The following GALNT17 variants were observed in gnomAD, a reference collection of about 807,000 sequenced individuals.
GALNT17 encodes the protein UDP-GalNAc:polypeptide N-acetylgalactosaminyltransferase-like 3.
A neutral mutation model predicts 63.7 loss-of-function variants in GALNT17; 29 were observed. That is an observed-to-expected ratio of 0.46 (90% CI 0.34 to 0.62). The LOEUF (loss-of-function observed/expected upper bound fraction) is 0.62. Among genes scored for constraint, GALNT17 ranks in the 20% least tolerant of loss-of-function variants. The probability of loss-of-function intolerance (pLI) is 0.01; values close to 1 mark genes in which losing one functional copy is unlikely to be tolerated. For synonymous variants in GALNT17, 305 were observed against 318.3 expected (o/e 0.96, Z 0.45); for missense variants, 603 against 799.6 (o/e 0.75, Z 2.97).
At chr7:71,488,742 G>A (rs529924702) in intron 5 of GALNT17, among the ~76,000 whole-genome samples, 218 of 150,996 alleles carry the variant, frequency 1.4e-3, no homozygotes, top group African/African-American at 4.9e-3. Flanking sequence ...ACCACACCCC[G>A]CTAATTTTTT....
chr7:71,661,600 G>A (rs572024008), intron 6 of GALNT17, among the ~76,000 whole-genome samples: 1 of 152,310 alleles, frequency 6.6e-6, no homozygotes, highest in African/African-American at 2.4e-5. Flanking sequence ...GCTGAGGCAG[G>A]CAGGATAATG....
chr7:71,368,425 C>T (rs1792555098), intron 2 of GALNT17, among the ~76,000 whole-genome samples: 1 of 152,070 alleles, frequency 6.6e-6, no homozygotes, highest in African/African-American at 2.4e-5. Context: ...GAGAGTTTTT[C>T]CCGTCTTCCT....
intron 1 of GALNT17, among the ~76,000 whole-genome samples, chr7:71,219,654 G>A (rs1789547878): frequency 6.6e-6 from 1 of 152,148 alleles, no homozygotes; most frequent in African/African-American, 2.4e-5. Flanking sequence ...TAATGAATAT[G>A]GTATCTTTCC....
chr7:71,438,853 A>G (rs989974685), intron 5 of GALNT17, among the ~76,000 whole-genome samples: 1 of 151,636 alleles, frequency 6.6e-6, no homozygotes, highest in Non-Finnish European at 1.5e-5. Flanking sequence ...TGTCCTACAC[A>G]TGACAGACTC....
intron 6 of GALNT17, among the ~76,000 whole-genome samples, chr7:71,613,436 G>A (rs375187992): frequency 2.4e-4 from 37 of 152,282 alleles, no homozygotes; most frequent in Admixed American, 2.0e-3. Context: ...AATCAAAGGC[G>A]AGAATGTCAA....
chr7:71,580,375 A>G (rs1789615025), intron 6 of GALNT17, among the ~76,000 whole-genome samples: 1 of 149,496 alleles, frequency 6.7e-6, no homozygotes, highest in Non-Finnish European at 1.5e-5. Flanking sequence ...ATATAAATAG[A>G]TGATAGATAA....
Position 71,581,481 on chromosome 7 carries a change from G to A in GALNT17, c.1080+10079G>A, listed in dbSNP as rs551151674. The stretch of plus-strand genomic sequence containing the variant: ...GGCCACGTTTAAAGCATCAGATCTC[G>A]TGAGAACTCACTCACTATCATAAGA... On this transcript the variant is annotated intron_variant, in intron 6 of 10. Transcript: ENST00000333538. 4.6e-5 allele frequency among the ~76,000 whole-genome samples: 7 copies of A among 152,160 alleles called. No homozygotes were observed. In the South Asian group the frequency reaches 8.3e-4, roughly 18 times the overall value.
chr7:71,652,490 T>C (rs927463474), intron 6 of GALNT17, among the ~76,000 whole-genome samples: 5 of 152,122 alleles, frequency 3.3e-5, no homozygotes, highest in East Asian at 1.9e-4. Context: ...TTCTCCCTAT[T>C]TTCAGGAGTA....
intron 2 of GALNT17, 89 bp from the exon 3 acceptor site, chr7:71,388,146 T>C: frequency 2.8e-6 from 4 of 1,415,562 alleles, no homozygotes; most frequent in Middle Eastern, 1.9e-4. Context: ...TGGATGAGGA[T>C]TCGGCTGAAA....
chr7:71,157,011 C>T (rs1468966977), intron 1 of GALNT17, among the ~76,000 whole-genome samples: 1 of 151,518 alleles, frequency 6.6e-6, no homozygotes, highest in African/African-American at 2.4e-5. Flanking sequence ...GGCTGGAGTG[C>T]CCTGGCACAG....
intron 1 of GALNT17, among the ~76,000 whole-genome samples, chr7:71,309,761 A>G (rs989163543): frequency 6.6e-6 from 1 of 152,204 alleles, no homozygotes; most frequent in Non-Finnish European, 1.5e-5. Context: ...TACAAACTGC[A>G]TATGCTGTGA....
At chr7:71,657,892 GGATGGATGGA>G (rs1482652916) in intron 6 of GALNT17, among the ~76,000 whole-genome samples, 4 of 21,874 alleles carry the variant, frequency 1.8e-4, no homozygotes, top group Non-Finnish European at 3.9e-4. Flanking sequence ...ATGGATGGAT[GGATGGATGGA>G]TGGGTGGATG....
intron 1 of GALNT17, among the ~76,000 whole-genome samples, chr7:71,181,596 G>A (rs1022277225): frequency 6.6e-6 from 1 of 152,078 alleles, no homozygotes; most frequent in East Asian, 1.9e-4. Flanking sequence ...GGCTGGGCAC[G>A]GTGGCTCATG....
At chr7:71,188,987 G>A (rs1474780776) in intron 1 of GALNT17, among the ~76,000 whole-genome samples, 4 of 152,092 alleles carry the variant, frequency 2.6e-5, no homozygotes, top group Non-Finnish European at 5.9e-5. Context: ...AAAAAATGAG[G>A]TTTCAAAACA....
intron 1 of GALNT17, among the ~76,000 whole-genome samples, chr7:71,177,339 A>T (rs1788658420): frequency 6.6e-6 from 1 of 151,920 alleles, no homozygotes; most frequent in Non-Finnish European, 1.5e-5. Flanking sequence ...CTCCCCGGGA[A>T]CCCCATCCCA....
In GALNT17 at chr7:71,448,829, A is replaced by G. The variant is rs796806268; in HGVS notation, c.962+27724A>G. Among the ~76,000 whole-genome samples, 35 of 152,288 alleles carry G rather than the reference A, an allele frequency of 2.3e-4. 1 individual carries two copies. The highest frequency in any genetic ancestry group is 8.2e-4 in the African/African-American group (34 of 41,570). ...GTATGGATTTTTGTGTATGAATCAT[A>G]CCTTAATAAATAGTTTAAAAATAAA... On this transcript the variant is annotated intron_variant, in intron 5 of 10. Coordinates refer to ENST00000333538, the MANE Select transcript of GALNT17 (RefSeq NM_022479.3).
intron 5 of GALNT17, among the ~76,000 whole-genome samples, chr7:71,449,235 C>T (rs1021095632): frequency 6.9e-6 from 1 of 145,072 alleles, no homozygotes. Flanking sequence ...GCCTTAGTCT[C>T]CCGAGTAGTG....
At chr7:71,223,487 C>T (rs760383207) in intron 1 of GALNT17, among the ~76,000 whole-genome samples, 1 of 151,846 alleles carries the variant, frequency 6.6e-6, no homozygotes, top group Non-Finnish European at 1.5e-5. Context: ...AGGTTGGCTT[C>T]TGTGCCCTTT....
At position 71,703,705 on chromosome 7, in the gene GALNT17, T is replaced by C. The variant is rs147707982; in HGVS notation, c.1501-7056T>C. Among the ~76,000 whole-genome samples, 770 of 152,270 alleles carry C rather than the reference T, an allele frequency of 5.1e-3. 6 individuals are homozygous for C. Among genetic ancestry groups the C allele is most frequent in the African/African-American group, 0.018 (739 of 41,564 alleles). ...GAGAGAGGAAATTCAAATTAAGAGA[T>C]AAGTAGAGCTGTGGCTAGAGTCATA... On this transcript the variant is annotated intron_variant, in intron 9 of 10. Coordinates refer to ENST00000333538, the MANE Select transcript of GALNT17 (RefSeq NM_022479.3).
Sources: allele counts gnomAD v4.1 joint callset (sites outside exome capture counted in the v4.1 genomes callset), GRCh38; gene constraint gnomAD v4.1.1; transcripts MANE v1.5; gene names NCBI Gene and HGNC (gene_info 2026-07-23, HGNC 2026-07-21).